The following LRMDA variants were observed in gnomAD, a reference collection of about 807,000 sequenced individuals.
LRMDA encodes the protein leucine rich melanocyte differentiation associated.
A neutral mutation model predicts 29.8 loss-of-function variants in LRMDA; 18 were observed. The observed-to-expected ratio is 0.60, with a 90% CI of 0.42 to 0.90. The LOEUF (loss-of-function observed/expected upper bound fraction) is 0.90. Ranked by LOEUF, LRMDA falls within the 40% of genes least tolerant of loss-of-function variation. LRMDA has a pLI of 0.00. For missense variants in LRMDA, 273 were observed against 273.9 expected (o/e 1.00, Z 0.02); for synonymous variants, 125 against 109.4 (o/e 1.14, Z -0.89).
At chr10:76,415,914 T>G (rs999200738) in intron 6 of LRMDA, among the ~76,000 whole-genome samples, 2 of 152,210 alleles carry the variant, frequency 1.3e-5, no homozygotes, top group African/African-American at 4.8e-5. Flanking sequence ...CCTCCACACT[T>G]GCATGGCTTT....
chr10:75,917,128 G>A (rs1470536579), intron 2 of LRMDA, among the ~76,000 whole-genome samples: 2 of 152,198 alleles, frequency 1.3e-5, no homozygotes, highest in Non-Finnish European at 2.9e-5. Flanking sequence ...CAAGAAGGAG[G>A]AGCAGCTTAG....
intron 5 of LRMDA, among the ~76,000 whole-genome samples, chr10:76,276,434 G>T (rs1420843288): frequency 6.6e-6 from 1 of 152,034 alleles, no homozygotes; most frequent in Non-Finnish European, 1.5e-5. Flanking sequence ...ATGAGCCACT[G>T]CACCTGGCCT....
chr10:76,546,345 A>G (rs1432217405), intron 6 of LRMDA, among the ~76,000 whole-genome samples: 4 of 152,162 alleles, frequency 2.6e-5, no homozygotes, highest in Non-Finnish European at 5.9e-5. Context: ...TCCTCACTAA[A>G]GGCACTCCAG....
intron 2 of LRMDA, among the ~76,000 whole-genome samples, chr10:76,014,528 C>T (rs1484095891): frequency 6.6e-6 from 1 of 152,160 alleles, no homozygotes; most frequent in Non-Finnish European, 1.5e-5. Flanking sequence ...AGGACAGAAT[C>T]CCTGCAGATA....
intron 2 of LRMDA, among the ~76,000 whole-genome samples, chr10:75,508,535 C>T (rs762152044): frequency 2.0e-5 from 3 of 152,176 alleles, no homozygotes; most frequent in Non-Finnish European, 2.9e-5. Context: ...AATGTTTGCT[C>T]CTGACAGTCT....
At chr10:75,772,255 CTT>C (rs1378210124) in intron 2 of LRMDA, among the ~76,000 whole-genome samples, 2 of 152,072 alleles carry the variant, frequency 1.3e-5, no homozygotes, top group Non-Finnish European at 2.9e-5. Context: ...AAAATTAGGA[CTT>C]TATCAATTTT....
At position 75,691,262 on chromosome 10, in the gene LRMDA, G is replaced by A. The variant is rs11001466; in HGVS notation, c.131+252768G>A. 2.0e-4 allele frequency among the ~76,000 whole-genome samples: 28 copies of A among 141,098 alleles called. 1 individual carries two copies. Among genetic ancestry groups the A allele is most frequent in the African/African-American group, 6.3e-4 (24 of 37,948 alleles). The allele number at this position is 141,098 out of a possible 152,430, so 92.6% of individuals were successfully genotyped here. ...TGTGTGTATGTATGTATGTATATGT[G>A]TATATATATATATATATCTTTTTCT... On this transcript the variant is annotated intron_variant, in intron 2 of 6. Transcript: ENST00000611255.
chr10:75,610,487 T>TAC (rs1438770464), intron 2 of LRMDA, among the ~76,000 whole-genome samples: 3 of 151,564 alleles, frequency 2.0e-5, no homozygotes, highest in East Asian at 1.9e-4. Context: ...CACCCCCACA[T>TAC]ACACACACAC....
At chr10:75,609,919 G>A (rs1005454004) in intron 2 of LRMDA, among the ~76,000 whole-genome samples, 1 of 152,134 alleles carries the variant, frequency 6.6e-6, no homozygotes, top group Non-Finnish European at 1.5e-5. Flanking sequence ...CAGTCTCCAG[G>A]ACTTGGCCCA....
At chr10:75,696,690 A>G (rs1022068921) in intron 2 of LRMDA, among the ~76,000 whole-genome samples, 4 of 152,222 alleles carry the variant, frequency 2.6e-5, no homozygotes, top group African/African-American at 9.6e-5. Flanking sequence ...AGATCCAGAA[A>G]GGGGAAATAA....
intron 2 of LRMDA, among the ~76,000 whole-genome samples, chr10:75,973,440 C>T (rs374605425): frequency 1.9e-4 from 27 of 142,182 alleles, no homozygotes; most frequent in East Asian, 4.2e-4. Context: ...TTTTTTGGGA[C>T]GGAGTTTTGC....
chr10:75,722,665 G>A (rs1177910153), intron 2 of LRMDA, among the ~76,000 whole-genome samples: 3 of 152,146 alleles, frequency 2.0e-5, no homozygotes, highest in Non-Finnish European at 4.4e-5. Flanking sequence ...TGGCGGATCT[G>A]TTTTGGGGTC....
intron 2 of LRMDA, among the ~76,000 whole-genome samples, chr10:75,846,909 T>C (rs1290314151): frequency 6.6e-6 from 1 of 152,188 alleles, no homozygotes; most frequent in East Asian, 1.9e-4. Flanking sequence ...GAAAATTTAA[T>C]ACTGTTAAAA....
intron 2 of LRMDA, among the ~76,000 whole-genome samples, chr10:75,726,089 A>G (rs939144181): frequency 2.0e-5 from 3 of 152,218 alleles, no homozygotes; most frequent in Non-Finnish European, 2.9e-5. Flanking sequence ...TAAAGTTTAC[A>G]TGCTTCAGAG....
At chr10:75,798,422 C>G (rs1296741339) in intron 2 of LRMDA, among the ~76,000 whole-genome samples, 1 of 152,000 alleles carries the variant, frequency 6.6e-6, no homozygotes, top group Admixed American at 6.6e-5. Flanking sequence ...CTAAGTTTAT[C>G]AATATTATTA....
chr10:76,404,962 G>T (rs1051166004), intron 6 of LRMDA, among the ~76,000 whole-genome samples: 15 of 152,174 alleles, frequency 9.9e-5, no homozygotes, highest in African/African-American at 3.4e-4. Flanking sequence ...GCCAAGAAAT[G>T]CAGGCAGCCT....
At chr10:75,692,744 C>T (rs1842187257) in intron 2 of LRMDA, among the ~76,000 whole-genome samples, 1 of 151,956 alleles carries the variant, frequency 6.6e-6, no homozygotes, top group African/African-American at 2.4e-5. Context: ...TCTGAGGTTG[C>T]TGTGTTTCCG....
At chr10:75,593,514 A>G (rs1011749975) in intron 2 of LRMDA, among the ~76,000 whole-genome samples, 1 of 152,238 alleles carries the variant, frequency 6.6e-6, no homozygotes, top group African/African-American at 2.4e-5. Context: ...TTATGGATGC[A>G]CATTCCCCAG....
intron 5 of LRMDA, among the ~76,000 whole-genome samples, chr10:76,147,477 C>A (rs1403480178): frequency 6.6e-6 from 1 of 152,208 alleles, no homozygotes; most frequent in Admixed American, 6.5e-5. Context: ...TTGATGGCAT[C>A]GGCTACTGAG....
Sources: gnomAD v4.1 joint callset for allele counts (sites outside exome capture counted in the v4.1 genomes callset) on GRCh38, gnomAD v4.1.1 for gene constraint, MANE v1.5 for transcripts, NCBI Gene and HGNC (gene_info 2026-07-23, HGNC 2026-07-21) for gene names.